SLC38A12: variants seen among roughly 807,000 people sequenced by gnomAD.
SLC38A12 encodes the protein putative sodium-coupled neutral amino acid transporter 12.
chr17:74,790,122 A>C, the SLC38A12 span: 1 of 1,213,168 alleles, frequency 8.2e-7, no homozygotes. Flanking sequence ...CCTGGCTAAC[A>C]TTCTGTACTT....
chr17:74,777,504 G>C, the SLC38A12 span: 2 of 1,551,554 alleles, frequency 1.3e-6, no homozygotes, highest in Non-Finnish European at 1.8e-6. Context: ...CAGGATGGGG[G>C]AGTTCCATGG....
the SLC38A12 span, chr17:74,837,036 G>A: frequency 6.5e-6 from 7 of 1,072,302 alleles, no homozygotes; most frequent in African/African-American, 3.3e-5. Flanking sequence ...CACAATGGGA[G>A]ATGCAGTGCT....
the SLC38A12 span, among the ~76,000 whole-genome samples, chr17:74,786,957 C>G: frequency 3.3e-5 from 5 of 152,176 alleles, no homozygotes; most frequent in African/African-American, 4.8e-5. Context: ...GCTCCTTGCT[C>G]AACCCATTTG....
At chr17:74,831,526 G>A in the SLC38A12 span, among the ~76,000 whole-genome samples, 3 of 152,160 alleles carry the variant, frequency 2.0e-5, no homozygotes, top group African/African-American at 4.8e-5. Flanking sequence ...CCCAGCAGCC[G>A]CTCGTGTGAC....
At chr17:74,797,880 C>T in the SLC38A12 span, among the ~76,000 whole-genome samples, 4 of 152,176 alleles carry the variant, frequency 2.6e-5, no homozygotes, top group Non-Finnish European at 4.4e-5. Context: ...TTGTAAAGGT[C>T]AGGAGAGCTA....
the SLC38A12 span, among the ~76,000 whole-genome samples, chr17:74,785,935 A>G: frequency 6.6e-6 from 1 of 152,272 alleles, no homozygotes; most frequent in Non-Finnish European, 1.5e-5. Context: ...TAACATTACC[A>G]TCAAGTTTTG....
the SLC38A12 span, chr17:74,795,108 C>T: frequency 6.2e-7 from 1 of 1,613,898 alleles, no homozygotes; most frequent in Non-Finnish European, 8.5e-7. Flanking sequence ...ATGCAGGTGA[C>T]CTGGTGAGTA....
the SLC38A12 span, among the ~76,000 whole-genome samples, chr17:74,802,259 G>A: frequency 0.23 from 34,614 of 152,044 alleles, 4,470 homozygotes; most frequent in East Asian, 0.41. Context: ...CATGCCCCAC[G>A]ACCTATGACC....
At chr17:74,781,170 A>G in the SLC38A12 span, among the ~76,000 whole-genome samples, 1 of 152,256 alleles carries the variant, frequency 6.6e-6, no homozygotes, top group African/African-American at 2.4e-5. Context: ...ATAGTGCCCA[A>G]GCTGAGAAAC....
chr17:74,802,401 T>G, the SLC38A12 span, among the ~76,000 whole-genome samples: 20 of 152,260 alleles, frequency 1.3e-4, no homozygotes, highest in African/African-American at 4.8e-4. Context: ...AGGCAGTGGC[T>G]TCTTCTCCCT....
chr17:74,818,917 C>T, the SLC38A12 span, among the ~76,000 whole-genome samples: 1 of 152,148 alleles, frequency 6.6e-6, no homozygotes, highest in African/African-American at 2.4e-5. Context: ...TCACATTTAC[C>T]CCCATTTTCC....
the SLC38A12 span, among the ~76,000 whole-genome samples, chr17:74,805,343 G>A: frequency 5.9e-5 from 9 of 152,340 alleles, no homozygotes; most frequent in East Asian, 7.7e-4. The surrounding 1 kb of genome is among the most constrained non-coding windows in gnomAD (Gnocchi z 5.0). Context: ...GGGGCTGTGC[G>A]TGCCCACTGG....
the SLC38A12 span, among the ~76,000 whole-genome samples, chr17:74,783,721 C>CTTTT: frequency 2.6e-4 from 27 of 103,998 alleles, no homozygotes; most frequent in East Asian, 2.1e-3. Flanking sequence ...CATGCTTTTT[C>CTTTT]TTTTTTTTTT....
the SLC38A12 span, chr17:74,788,911 CGTCAGGTA>C: frequency 6.3e-7 from 1 of 1,579,648 alleles, no homozygotes; most frequent in Non-Finnish European, 8.6e-7. Context: ...GCCTCTGTTC[CGTCAGGTA>C]CCCAGCAGGC....
At chr17:74,819,876 T>C in the SLC38A12 span, 1 of 1,585,286 alleles carries the variant, frequency 6.3e-7, no homozygotes. Context: ...GTCTCTGCGC[T>C]TTCTCCTCTC....
the SLC38A12 span, among the ~76,000 whole-genome samples, chr17:74,788,562 G>A: frequency 2.0e-5 from 3 of 152,122 alleles, no homozygotes; most frequent in Non-Finnish European, 2.9e-5. Flanking sequence ...CCATCACTTA[G>A]TTCACACCTC....
the SLC38A12 span, among the ~76,000 whole-genome samples, chr17:74,794,674 G>A: frequency 5.9e-5 from 9 of 152,126 alleles, no homozygotes; most frequent in East Asian, 1.9e-4. Flanking sequence ...CTCCTGACTC[G>A]GGACATCTCT....
At chr17:74,838,780 A>G in the SLC38A12 span, 6 of 1,481,564 alleles carry the variant, frequency 4.0e-6, no homozygotes, top group Admixed American at 8.5e-5. Flanking sequence ...CAACAGCAAG[A>G]GAGCCCCAGG....
the SLC38A12 span, among the ~76,000 whole-genome samples, chr17:74,809,743 G>A: frequency 1.3e-5 from 2 of 152,306 alleles, no homozygotes; most frequent in East Asian, 3.9e-4. Context: ...AGGGGGCAAC[G>A]TTGCATAAAA....
Sources: allele counts gnomAD v4.1 joint callset (sites outside exome capture counted in the v4.1 genomes callset), GRCh38; gene constraint gnomAD v4.1.1; non-coding constraint Gnocchi (gnomAD v3.1); transcripts MANE v1.5; gene names NCBI Gene and HGNC (gene_info 2026-07-23, HGNC 2026-07-21).